The following LOC128125814 variants were observed in gnomAD, a reference collection of about 807,000 sequenced individuals.
At chr12:57,519,479 C>T in the LOC128125814 span, among the ~76,000 whole-genome samples, 13 of 152,322 alleles carry the variant, frequency 8.5e-5, no homozygotes, top group South Asian at 2.3e-3. Flanking sequence ...AATGGATAAA[C>T]TCCCCCCAGT....
the LOC128125814 span, among the ~76,000 whole-genome samples, chr12:57,518,105 A>G: frequency 6.6e-6 from 1 of 151,948 alleles, no homozygotes; most frequent in East Asian, 1.9e-4. Flanking sequence ...GGCATGAGCT[A>G]CCGTGCTGGG....
At chr12:57,518,385 C>A in the LOC128125814 span, among the ~76,000 whole-genome samples, 1 of 152,192 alleles carries the variant, frequency 6.6e-6, no homozygotes, top group Non-Finnish European at 1.5e-5. Flanking sequence ...TTTCCTAACT[C>A]CATTCCCACA....
chr12:57,519,251 AT>A, the LOC128125814 span: 210 of 530,178 alleles, frequency 4.0e-4, no homozygotes, highest in Non-Finnish European at 7.6e-4. Flanking sequence ...GAGTGGAGGA[AT>A]TACCTAAGGT....
At chr12:57,517,850 C>T in the LOC128125814 span, 9 of 431,690 alleles carry the variant, frequency 2.1e-5, no homozygotes, top group Admixed American at 4.0e-5. Context: ...TTTTTTGAGA[C>T]CAAGTCTTGC....
At chr12:57,520,363 C>T in the LOC128125814 span, 22 of 398,414 alleles carry the variant, frequency 5.5e-5, no homozygotes, top group African/African-American at 4.3e-4. Context: ...AAAGAGCGGA[C>T]GCCCCAACTT....
the LOC128125814 span, chr12:57,519,256 C>T: frequency 1.9e-6 from 1 of 528,572 alleles, no homozygotes; most frequent in African/African-American, 1.9e-5. Flanking sequence ...GAGGAATTAC[C>T]TAAGGTAATT....
chr12:57,519,364 G>A, the LOC128125814 span: 1 of 377,248 alleles, frequency 2.7e-6, no homozygotes, highest in African/African-American at 2.1e-5. Context: ...TTTGTTTACT[G>A]TAGGCCTCCC....
the LOC128125814 span, chr12:57,519,257 T>C: frequency 7.6e-6 from 4 of 528,252 alleles, no homozygotes; most frequent in Non-Finnish European, 1.2e-5. Flanking sequence ...AGGAATTACC[T>C]AAGGTAATTC....
At chr12:57,520,239 A>C in the LOC128125814 span, among the ~76,000 whole-genome samples, 12 of 152,096 alleles carry the variant, frequency 7.9e-5, no homozygotes, top group African/African-American at 1.9e-4. Flanking sequence ...GGGTGGAGAG[A>C]CGCCGTCGTC....
chr12:57,519,870 C>T, the LOC128125814 span, among the ~76,000 whole-genome samples: 2 of 152,224 alleles, frequency 1.3e-5, no homozygotes. Flanking sequence ...AAACACACCA[C>T]TCCCTGTCCA....
chr12:57,518,187 T>C, the LOC128125814 span, among the ~76,000 whole-genome samples: 3 of 152,178 alleles, frequency 2.0e-5, no homozygotes, highest in Admixed American at 2.0e-4. Context: ...GTATGCATAC[T>C]TGGTCCCTGT....
the LOC128125814 span, chr12:57,520,404 G>C: frequency 2.5e-6 from 1 of 398,494 alleles, no homozygotes. Flanking sequence ...AGGTAGATGG[G>C]AATCAGTACT....
chr12:57,520,014 G>A, the LOC128125814 span, among the ~76,000 whole-genome samples: 4 of 152,258 alleles, frequency 2.6e-5, no homozygotes, highest in Non-Finnish European at 5.9e-5. Flanking sequence ...GGGTGGGGTA[G>A]GGAGAAGGCC....
At chr12:57,518,161 C>T in the LOC128125814 span, among the ~76,000 whole-genome samples, 3 of 152,100 alleles carry the variant, frequency 2.0e-5, no homozygotes, top group Admixed American at 6.5e-5. Flanking sequence ...TCCTTCCTTA[C>T]TTCTGGTCTT....
At chr12:57,518,206 C>T in the LOC128125814 span, among the ~76,000 whole-genome samples, 4 of 152,034 alleles carry the variant, frequency 2.6e-5, no homozygotes, top group Admixed American at 6.6e-5. Context: ...GTAGCCATTT[C>T]GAAGGGCAGA....
the LOC128125814 span, chr12:57,519,350 AT>A: frequency 5.2e-6 from 2 of 387,864 alleles, no homozygotes; most frequent in Admixed American, 3.1e-5. Flanking sequence ...CGTGGCACTT[AT>A]ATTTTGTTTA....
chr12:57,519,370 C>T, the LOC128125814 span: 2 of 372,442 alleles, frequency 5.4e-6, no homozygotes, highest in Admixed American at 3.4e-5. Flanking sequence ...TACTGTAGGC[C>T]TCCCACTGAG....
At chr12:57,518,266 TTAC>T in the LOC128125814 span, among the ~76,000 whole-genome samples, 1 of 152,172 alleles carries the variant, frequency 6.6e-6, no homozygotes, top group African/African-American at 2.4e-5. Context: ...GTAGTCCTGG[TTAC>T]ATAATAGTAA....
the LOC128125814 span, among the ~76,000 whole-genome samples, chr12:57,519,734 A>AAAG: frequency 6.6e-6 from 1 of 152,230 alleles, no homozygotes; most frequent in Non-Finnish European, 1.5e-5. Context: ...GGACCGGGTT[A>AAAG]AAGAGGCAGG....
Sources: allele counts gnomAD v4.1 joint callset (sites outside exome capture counted in the v4.1 genomes callset), GRCh38; gene constraint gnomAD v4.1.1; transcripts MANE v1.5.